The following SIK2 variants were observed in gnomAD, a reference collection of about 807,000 sequenced individuals.
SIK2 encodes serine/threonine-protein kinase SIK2.
Under a neutral mutation model 103.2 loss-of-function variants are expected in SIK2, and 29 were observed. That is an observed-to-expected ratio of 0.28 (90% CI 0.21 to 0.38). SIK2 has a LOEUF of 0.38. Ranked by LOEUF, SIK2 falls within the 10% of genes least tolerant of loss-of-function variation. SIK2 has a pLI of 1.00. For synonymous variants in SIK2, 412 were observed against 446.1 expected (o/e 0.92, Z 0.96); for missense variants, 879 against 1,171.0 (o/e 0.75, Z 3.64).
At chr11:111,671,791 C>T (rs1037780687) in intron 3 of SIK2, 14 of 416,408 alleles carry the variant, frequency 3.4e-5, no homozygotes, top group Non-Finnish European at 6.6e-5. Flanking sequence ...CATCCACATC[C>T]TTCTTGATGA....
chr11:111,663,441 C>G (rs1942493880), intron 3 of SIK2, among the ~76,000 whole-genome samples: 2 of 151,988 alleles, frequency 1.3e-5, no homozygotes, highest in Admixed American at 1.3e-4. Context: ...GTGGGAGATG[C>G]AGGGAGGCGT....
At chr11:111,636,600 G>A (rs2135852716) in intron 3 of SIK2, among the ~76,000 whole-genome samples, 1 of 152,290 alleles carries the variant, frequency 6.6e-6, no homozygotes, top group South Asian at 2.1e-4. Context: ...AAGGCCAGGG[G>A]AGGGTAAAGA....
At chr11:111,687,851 C>A in intron 3 of SIK2, 150 bp from the exon 4 acceptor site, 1 of 668,634 alleles carries the variant, frequency 1.5e-6, no homozygotes, top group South Asian at 1.9e-5. Flanking sequence ...GTGATCTGCC[C>A]ACCTCAGCCT....
rs1203262487 is a variant in SIK2 at position 111,723,662 on chromosome 11, C to T, written c.2314C>T (p.Gln772Ter). Residue 772 changes from glutamine (Q) to a stop codon, truncating the protein, a stop_gained, in exon 15 of 15, where the codon CAG (glutamine) becomes TAG (stop). Transcript: ENST00000304987. LOFTEE classifies it high-confidence loss of function. ...GCAGGCCCCACCGTTCAGCCTGACC[C>T]AGCCCCTGAGCCCCGTCCTGGAGCC... ...SQQAPPFSLT[Q>*]PLSPVLEPSS... is the part of the protein sequence containing the mutation. 6.2e-7 allele frequency: 1 copy of T among 1,614,164 alleles called. No individual in the cohort carries two copies. Among genetic ancestry groups the T allele is most frequent in the Non-Finnish European group, 8.5e-7 (1 of 1,180,036 alleles).
chr11:111,722,588 A>G lies in SIK2; in HGVS notation c.2056-77A>G. 1 of 1,339,744 alleles carries G rather than the reference A, an allele frequency of 7.5e-7. No individual in the cohort carries two copies. Among genetic ancestry groups the G allele is most frequent in the Non-Finnish European group, 1.1e-6 (1 of 949,134 alleles). The allele number at this position is 1,339,744 out of a possible 1,614,324, so 83.0% of individuals were successfully genotyped here. ...TAGAATGCAGTTAGATTCATCCTGC[A>G]GGCAGAAGCACATCTGATGACTGCA... On this transcript the variant is annotated intron_variant, in intron 13 of 14. Coordinates refer to ENST00000304987, the MANE Select transcript of SIK2 (RefSeq NM_015191.3). This position sits in a 1 kb window ranked among gnomAD's most constrained non-coding sequence, Gnocchi z 4.4.
Position 111,602,695 on chromosome 11 carries a change from G to C in SIK2, c.132G>C (p.Thr44=). The C allele has an allele frequency of 6.6e-7, 1 of 1,517,260 alleles. No homozygotes were observed. The highest frequency in any genetic ancestry group is 8.8e-7 in the Non-Finnish European group (1 of 1,131,148). 94.0% of individuals were successfully genotyped at this position (1,517,260 alleles called of 1,614,324 possible). The change falls in exon 1 of 15, where the codon ACG becomes ACC. Residue 44 remains threonine, a synonymous_variant. Transcript: ENST00000304987. This position sits in a 1 kb window ranked among gnomAD's most constrained non-coding sequence, Gnocchi z 4.5. Reference sequence around the variant, plus strand: ...TGGGGCGGCACCGGATCACCAAGACGGAGGTGCGGCCCGGGGCTCGGCGGG... The same window carrying C: ...TGGGGCGGCACCGGATCACCAAGACCGAGGTGCGGCCCGGGGCTCGGCGGG... ...VKLGRHRITK[T]EVAIKIIDKS... is the part of the protein sequence containing the mutation.
intron 3 of SIK2, among the ~76,000 whole-genome samples, chr11:111,651,590 C>T (rs141290134): frequency 6.6e-6 from 1 of 152,218 alleles, no homozygotes; most frequent in East Asian, 1.9e-4. Context: ...GGGCTTAATA[C>T]CTAGGTGATG....
intron 3 of SIK2, among the ~76,000 whole-genome samples, chr11:111,663,249 A>G (rs924894286): frequency 2.4e-4 from 36 of 147,200 alleles, no homozygotes; most frequent in African/African-American, 8.4e-4. Context: ...AAAAAAAAAT[A>G]GTAGGGTAAA....
intron 3 of SIK2, among the ~76,000 whole-genome samples, chr11:111,662,027 A>G (rs1942474144): frequency 6.6e-6 from 1 of 152,308 alleles, no homozygotes; most frequent in East Asian, 1.9e-4. Flanking sequence ...TAGTCACCAA[A>G]TGTCTCTTTT....
intron 3 of SIK2, among the ~76,000 whole-genome samples, chr11:111,640,941 A>G (rs565104579): frequency 1.4e-4 from 22 of 151,928 alleles, no homozygotes; most frequent in African/African-American, 5.1e-4. Context: ...TCACCATGTT[A>G]GACAGGATGG....
intron 9 of SIK2, among the ~76,000 whole-genome samples, chr11:111,718,179 T>G (rs1412973429): frequency 1.3e-5 from 2 of 152,242 alleles, no homozygotes; most frequent in Non-Finnish European, 2.9e-5. Flanking sequence ...AGATAATTAA[T>G]TAATGATCTT....
chr11:111,675,973 C>T (rs1942698581), intron 3 of SIK2, among the ~76,000 whole-genome samples: 1 of 152,156 alleles, frequency 6.6e-6, no homozygotes, highest in Non-Finnish European at 1.5e-5. Context: ...CTCAATGTTA[C>T]TCAGTGTTTA....
chr11:111,620,280 A>C, intron 2 of SIK2, 59 bp from the exon 3 acceptor site: 1 of 1,085,736 alleles, frequency 9.2e-7, no homozygotes, highest in East Asian at 2.5e-5. Context: ...ACTCGATAGA[A>C]TATTGTGGAA....
At chr11:111,613,389 A>C (rs510866) in intron 1 of SIK2, among the ~76,000 whole-genome samples, 90,426 of 151,966 alleles carry the variant, frequency 0.6, 30,056 homozygotes, top group East Asian at 0.96. Context: ...GTGCTGATAT[A>C]TAGACTCACT....
intron 4 of SIK2, among the ~76,000 whole-genome samples, chr11:111,691,317 C>T (rs1055162420): frequency 6.6e-6 from 1 of 152,118 alleles, no homozygotes; most frequent in African/African-American, 2.4e-5. Flanking sequence ...AGTGTGATGA[C>T]TCACATTTAA....
At chr11:111,667,488 CTTTTTTT>C (rs565449284) in intron 3 of SIK2, among the ~76,000 whole-genome samples, 3 of 105,372 alleles carry the variant, frequency 2.8e-5, no homozygotes, top group Non-Finnish European at 4.0e-5. Flanking sequence ...TGTTGGTTAT[CTTTTTTT>C]TTTTTTTTTT....
intron 3 of SIK2, among the ~76,000 whole-genome samples, chr11:111,646,081 C>CGCGCACGAGTGTATGTGT (rs1555027413): frequency 6.6e-6 from 1 of 151,998 alleles, no homozygotes; most frequent in African/African-American, 2.4e-5. Context: ...AGTGCATGTG[C>CGCGCACGAGTGTATGTGT]GCGCACATGA....
At position 111,724,171 on chromosome 11, in the gene SIK2, G is replaced by GT. The variant is rs755213727; in HGVS notation, c.*43dup. The GT allele has an allele frequency of 3.2e-6, 5 of 1,561,474 alleles. No individual in the cohort carries two copies. Among genetic ancestry groups the GT allele is most frequent in the Non-Finnish European group, 8.6e-7 (1 of 1,157,538 alleles). Reference sequence around the variant, plus strand: ...GAGGTGGGTCAGGTGAAGGAAGAGTGTATGTTCCTATTTTTATTCCAGCCT... The same window carrying GT: ...GAGGTGGGTCAGGTGAAGGAAGAGTGTTATGTTCCTATTTTTATTCCAGCCT... On this transcript the variant is annotated 3_prime_UTR_variant, in exon 15 of 15. Transcript: ENST00000304987.
intron 4 of SIK2, among the ~76,000 whole-genome samples, chr11:111,689,899 AT>A (rs372740657): frequency 0.011 from 1,663 of 148,350 alleles, 9 homozygotes; most frequent in African/African-American, 0.024. Flanking sequence ...ATAGTCTGTG[AT>A]TTTTTTTTTC....
Sources: allele counts gnomAD v4.1 joint callset (sites outside exome capture counted in the v4.1 genomes callset), GRCh38; gene constraint gnomAD v4.1.1; non-coding constraint Gnocchi (gnomAD v3.1); transcripts MANE v1.5; gene names NCBI Gene and HGNC (gene_info 2026-07-23, HGNC 2026-07-21).